Variants in MEAK7 observed in about 807,000 individuals in gnomAD.
MEAK7 encodes MTOR-associated protein MEAK7.
In MEAK7, 68 loss-of-function variants were observed where a neutral mutation model predicts 40.5. The observed-to-expected ratio is 1.68, with a 90% CI of 1.38 to 2.06. The LOEUF is 2.06. Ranked by LOEUF, MEAK7 falls within the 30% of genes most tolerant of loss-of-function variation. MEAK7 has a pLI of 0.00. For missense variants in MEAK7, 918 were observed against 580.5 expected, an observed-to-expected ratio of 1.58 and a Z score of -5.98; for synonymous variants, 338 against 231.9, an observed-to-expected ratio of 1.46 and a Z score of -4.16.
rs929698497 is a variant in MEAK7 at position 84,493,658 on chromosome 16, G to T, written c.384+2025C>A. 9.2e-5 allele frequency among the ~76,000 whole-genome samples: 14 copies of T among 152,184 alleles called. 3 individuals are homozygous for T. Among genetic ancestry groups the T allele is most frequent in the South Asian group, 4.2e-4 (2 of 4,816 alleles). ...GTCTACCTAATTTCTCTAAAATTTG[G>T]AAACTATTTGTGAGTATTCTTAATT... is the stretch of plus-strand genomic sequence containing the variant. On this transcript the variant is annotated intron_variant, in intron 3 of 7. Coordinates refer to ENST00000343629, the MANE Select transcript of MEAK7 (RefSeq NM_020947.4).
chr16:84,485,454 C>A (rs2150628841), intron 5 of MEAK7, among the ~76,000 whole-genome samples: 1 of 152,338 alleles, frequency 6.6e-6, no homozygotes, highest in African/African-American at 2.4e-5. Flanking sequence ...TCCACCTGGA[C>A]ACAGTTCCCG....
chr16:84,486,467 A>T (rs1338501935), intron 5 of MEAK7, 164 bp downstream of exon 5: 1 of 1,421,368 alleles, frequency 7.0e-7, no homozygotes, highest in African/African-American at 1.4e-5. Context: ...TGATGTGATA[A>T]ACACCATAGA....
chr16:84,480,402 G>T, intron 7 of MEAK7, 127 bp downstream of exon 7: 2 of 1,156,994 alleles, frequency 1.7e-6, no homozygotes, highest in Non-Finnish European at 1.2e-6. Context: ...GCCAGCATCA[G>T]CTACCAGGAT....
rs1289019187 is a variant in MEAK7, at chr16:84,476,927, T to A, written c.*2986A>T. Reference sequence around the variant, plus strand: ...TTTTTTTAAACATAGGGTCTTGCTGTGTTGCCCAGGCTGGAGTGCAGTGGC... The same window carrying A: ...TTTTTTTAAACATAGGGTCTTGCTGAGTTGCCCAGGCTGGAGTGCAGTGGC... On this transcript the variant is annotated 3_prime_UTR_variant, in exon 8 of 8. Transcript: ENST00000343629. 1 of 152,286 alleles carries A rather than the reference T, an allele frequency of 6.6e-6. No homozygotes were observed. Among genetic ancestry groups the A allele is most frequent in the African/African-American group, 2.4e-5 (1 of 41,460 alleles). The allele number at this position is 152,286 out of a possible 1,614,324, so 9.4% of individuals were successfully genotyped here. A position where few individuals can be genotyped will look rare whatever the true frequency, so the allele number is the denominator to read the frequency against.
At chr16:84,487,356 C>T (rs1273101279) in intron 4 of MEAK7, 7 of 343,982 alleles carry the variant, frequency 2.0e-5, no homozygotes, top group Non-Finnish European at 3.7e-5. Flanking sequence ...ACTCTTTTAA[C>T]ATGGTCCCTA....
At chr16:84,497,501 G>C in intron 2 of MEAK7, 1 of 1,290,520 alleles carries the variant, frequency 7.7e-7, no homozygotes, top group Non-Finnish European at 1.0e-6. Context: ...CACCGCGTCT[G>C]TCTCCCCATC....
At chr16:84,502,243 G>T (rs997608670) in intron 1 of MEAK7, among the ~76,000 whole-genome samples, 4 of 152,132 alleles carry the variant, frequency 2.6e-5, no homozygotes, top group African/African-American at 9.7e-5. Context: ...TCGTCCCCCA[G>T]GGGCATTTGG....
chr16:84,485,642 CCA>C (rs1912971722), intron 5 of MEAK7, among the ~76,000 whole-genome samples: 10 of 108,202 alleles, frequency 9.2e-5, no homozygotes, highest in Non-Finnish European at 1.2e-4. Context: ...ATCTATCTAT[CCA>C]TCCATCCATC....
intron 3 of MEAK7, chr16:84,494,710 G>T: frequency 2.5e-6 from 1 of 404,034 alleles, no homozygotes; most frequent in East Asian, 7.7e-5. Flanking sequence ...TTCACAACCT[G>T]GTAAAAATGA....
At chr16:84,504,072 G>A (rs1467012815) in intron 1 of MEAK7, 3 of 985,428 alleles carry the variant, frequency 3.0e-6, no homozygotes, top group Non-Finnish European at 3.6e-6. Flanking sequence ...TGGGCAAGAA[G>A]TTCCTGTGGG....
chr16:84,501,839 C>T (rs1914530171), intron 1 of MEAK7, among the ~76,000 whole-genome samples: 1 of 152,238 alleles, frequency 6.6e-6, no homozygotes, highest in South Asian at 2.1e-4. Flanking sequence ...TTGAGAGCCC[C>T]GTGCCAGGCA....
Position 84,486,967 on chromosome 16 carries a change from T to A in MEAK7, c.622A>T (p.Ile208Leu). 1 of 1,614,136 alleles carries A rather than the reference T, an allele frequency of 6.2e-7. No individual in the cohort carries two copies. The highest frequency in any genetic ancestry group is 8.5e-7 in the Non-Finnish European group (1 of 1,180,024). Residue 208 changes from isoleucine (I) to leucine (L), a missense_variant, in exon 5 of 8, where the codon ATA (isoleucine) becomes TTA (leucine). Coordinates refer to ENST00000343629, the MANE Select transcript of MEAK7 (RefSeq NM_020947.4). ...TTGCAAATGACCACACTCAGGAATA[T>A]GGCCACATGGGGGACCCTGAACACC... ...DWVFRVPHVA[I>L]FLSVVICKGF... is the part of the protein sequence containing the mutation.
intron 5 of MEAK7, 151 bp from the exon 6 acceptor site, chr16:84,482,861 A>C: frequency 8.4e-7 from 1 of 1,188,082 alleles, no homozygotes; most frequent in South Asian, 1.5e-5. Context: ...GTTTGGGACA[A>C]GCTGCTAGGG....
rs749137185 is a variant in MEAK7, at chr16:84,498,057, C to T, written c.30G>A (p.Arg10=). MGNSRSRVG[R]SFCSQFLPEE... ...CAGGAAGAAACTGTGAACAAAAGCTCCGCCCCACACGGCTTCTGCTGTTCC... is the reference window on the plus strand; with the variant it reads ...CAGGAAGAAACTGTGAACAAAAGCTTCGCCCCACACGGCTTCTGCTGTTCC... Residue 10 remains arginine, a synonymous_variant, in exon 2 of 8, where the codon CGG becomes CGA. Coordinates refer to ENST00000343629, the MANE Select transcript of MEAK7 (RefSeq NM_020947.4). 1 of 1,613,624 alleles carries T rather than the reference C, an allele frequency of 6.2e-7. No individual in the cohort carries two copies. Among genetic ancestry groups the T allele is most frequent in the East Asian group, 2.2e-5 (1 of 44,888 alleles).
chr16:84,478,801 G>C lies in MEAK7; in HGVS notation c.*1112C>G, dbSNP rs1219934032. 9.9e-5 allele frequency: 15 copies of C among 152,284 alleles called. No individual in the cohort carries two copies. Among genetic ancestry groups the C allele is most frequent in the Admixed American group, 9.8e-4 (15 of 15,282 alleles). 9.4% of individuals were successfully genotyped at this position (152,284 alleles called of 1,614,324 possible). A position where few individuals can be genotyped will look rare whatever the true frequency, so the allele number is the denominator to read the frequency against. ...TGGCTGCACTGACAGCTGTGACTCA[G>C]GCACTGGTTCCCAGAGATCTAGAAC... On this transcript the variant is annotated 3_prime_UTR_variant, in exon 8 of 8. Transcript: ENST00000343629.
At chr16:84,493,288 C>T (rs1913778234) in intron 3 of MEAK7, among the ~76,000 whole-genome samples, 2 of 152,096 alleles carry the variant, frequency 1.3e-5, no homozygotes, top group Non-Finnish European at 2.9e-5. Context: ...TACTTTGATC[C>T]TTTTATAGGG....
chr16:84,497,767 G>A (rs1914173846), intron 2 of MEAK7, 167 bp downstream of exon 2: 4 of 1,295,186 alleles, frequency 3.1e-6, no homozygotes, highest in Admixed American at 4.0e-5. Context: ...AGACCGCATA[G>A]CTCACAAAGC....
At chr16:84,503,035 C>T (rs2035006880) in intron 1 of MEAK7, among the ~76,000 whole-genome samples, 1 of 152,186 alleles carries the variant, frequency 6.6e-6, no homozygotes, top group Non-Finnish European at 1.5e-5. Flanking sequence ...AACCACTCAT[C>T]CTTGATATTT....
chr16:84,482,440 C>A lies in MEAK7; in HGVS notation c.1077+152G>T. On this transcript the variant is annotated intron_variant, in intron 6 of 7. Coordinates refer to ENST00000343629, the MANE Select transcript of MEAK7 (RefSeq NM_020947.4). Reference sequence around the variant, plus strand: ...GGCCCAGCTGTCACTGCCCCCAGCACCGGCCCTGGAAACAGAAGGAACTGG... The same window carrying A: ...GGCCCAGCTGTCACTGCCCCCAGCAACGGCCCTGGAAACAGAAGGAACTGG... 5 of 1,300,484 alleles carry A rather than the reference C, an allele frequency of 3.8e-6. No homozygotes were observed. In the South Asian group the frequency reaches 7.2e-5, roughly 19 times the overall value. 80.6% of individuals were successfully genotyped at this position (1,300,484 alleles called of 1,614,324 possible).
Sources: allele counts gnomAD v4.1 joint callset (sites outside exome capture counted in the v4.1 genomes callset), GRCh38; gene constraint gnomAD v4.1.1; transcripts MANE v1.5; gene names NCBI Gene and HGNC (gene_info 2026-07-23, HGNC 2026-07-21).